Variants in SORBS2 observed in about 807,000 individuals in gnomAD.
The protein encoded by SORBS2 is sorbin and SH3 domain containing 2.
Under a neutral mutation model 97.7 loss-of-function variants are expected in SORBS2, and 46 were observed. That is an observed-to-expected ratio of 0.47 (90% CI 0.37 to 0.60). The LOEUF (loss-of-function observed/expected upper bound fraction) is 0.60. SORBS2 is among the 20% of genes least tolerant of loss of function. The pLI, the probability that SORBS2 is intolerant of heterozygous loss-of-function variation, is 0.00. For missense variants in SORBS2, 1,316 were observed against 1,282.3 expected, an observed-to-expected ratio of 1.03 and a Z score of -0.40; for synonymous variants, 476 against 473.4, an observed-to-expected ratio of 1.01 and a Z score of -0.07.
At chr4:185,827,761 A>G (rs553360011) in intron 1 of SORBS2, among the ~76,000 whole-genome samples, 1 of 146,326 alleles carries the variant, frequency 6.8e-6, no homozygotes, top group African/African-American at 2.6e-5. Context: ...CATCATCACC[A>G]TCATCATCAC....
intron 9 of SORBS2, among the ~76,000 whole-genome samples, chr4:185,615,587 G>A (rs149279749): frequency 6.6e-6 from 1 of 151,780 alleles, no homozygotes; most frequent in Non-Finnish European, 1.5e-5. Context: ...ATGTACTGAA[G>A]CTTACATGAA....
In SORBS2 at chr4:185,721,675, A is replaced by G. The variant is rs1475883081; in HGVS notation, c.-197-42853T>C. 3.9e-5 allele frequency among the ~76,000 whole-genome samples: 6 copies of G among 152,226 alleles called. No homozygotes were observed. In the South Asian group the frequency reaches 1.2e-3, roughly 32 times the overall value. On this transcript the variant is annotated intron_variant, in intron 2 of 20. Transcript: ENST00000284776. Reference sequence around the variant, plus strand: ...TTCAAAGTCAAATATTTTACTGTAAAGTGGAAGAAGAAAATACCCAGATCT... The same window carrying G: ...TTCAAAGTCAAATATTTTACTGTAAGGTGGAAGAAGAAAATACCCAGATCT...
intron 1 of SORBS2, among the ~76,000 whole-genome samples, chr4:185,875,304 T>C (rs1261897262): frequency 6.6e-6 from 1 of 152,248 alleles, no homozygotes; most frequent in Non-Finnish European, 1.5e-5. Flanking sequence ...TTCATTAGCT[T>C]GAGGTGGCCA....
intron 2 of SORBS2, among the ~76,000 whole-genome samples, chr4:185,712,327 A>G (rs2098426998): frequency 6.6e-6 from 1 of 152,200 alleles, no homozygotes; most frequent in South Asian, 2.1e-4. Flanking sequence ...AGACAGCTGG[A>G]TTCAAGGGGA....
chr4:185,901,980 G>A (rs923713693), intron 1 of SORBS2, among the ~76,000 whole-genome samples: 1 of 152,042 alleles, frequency 6.6e-6, no homozygotes, highest in Admixed American at 6.6e-5. Flanking sequence ...TGAAATAGCA[G>A]CCCCTTAGTA....
At chr4:185,877,808 T>C (rs2099234410) in intron 1 of SORBS2, among the ~76,000 whole-genome samples, 1 of 144,748 alleles carries the variant, frequency 6.9e-6, no homozygotes, top group South Asian at 2.1e-4. Context: ...AGGTGGAAAT[T>C]GCAGAGAGCC....
intron 1 of SORBS2, among the ~76,000 whole-genome samples, chr4:185,864,831 G>A (rs530268147): frequency 1.3e-5 from 2 of 151,806 alleles, no homozygotes; most frequent in Non-Finnish European, 1.5e-5. Context: ...AGAATTGCTT[G>A]AACCCAGGAG....
rs898795524 is a variant in SORBS2, at chr4:185,806,566, T to C, written c.-337-31200A>G. On this transcript the variant is annotated intron_variant, in intron 1 of 20. Coordinates refer to the SORBS2 transcript ENST00000284776. ...TCCTCCTCCCGGGTTCACGCCATTC[T>C]CCTGCCTCAGCCTCCCGAGTAGCTG... is the stretch of plus-strand genomic sequence containing the variant. 3.1e-3 allele frequency among the ~76,000 whole-genome samples: 450 copies of C among 146,194 alleles called. 5 individuals are homozygous for C. The highest frequency in any genetic ancestry group is 4.7e-3 in the Admixed American group (68 of 14,440).
At position 185,807,585 on chromosome 4, in the gene SORBS2, G is replaced by A. The variant is rs114315369; in HGVS notation, c.-337-32219C>T. Reference sequence around the variant, plus strand: ...AAAAACCCGTCTTTGCTGGTTCCCCGTCATTTATTCAGCAAATATCATCTT... The same window carrying A: ...AAAAACCCGTCTTTGCTGGTTCCCCATCATTTATTCAGCAAATATCATCTT... On this transcript the variant is annotated intron_variant, in intron 1 of 20. Coordinates refer to the SORBS2 transcript ENST00000284776. 3.6e-3 allele frequency among the ~76,000 whole-genome samples: 545 copies of A among 152,180 alleles called. 1 individual carries two copies. The highest frequency in any genetic ancestry group is 6.8e-3 in the Middle Eastern group (2 of 294).
In SORBS2 at chr4:185,613,096, G is replaced by T. The variant is rs796441549; in HGVS notation, c.2596-1116C>A. ...TTAACTCAAAACTACACGTAGCCTAGAAGTAGGCAGGCAAGTTGATGCTAC... is the reference window on the plus strand; with the variant it reads ...TTAACTCAAAACTACACGTAGCCTATAAGTAGGCAGGCAAGTTGATGCTAC... On this transcript the variant is annotated intron_variant, in intron 11 of 14. Coordinates refer to ENST00000418609, the Ensembl canonical transcript of SORBS2. Among the ~76,000 whole-genome samples, 7 of 152,334 alleles carry T rather than the reference G, an allele frequency of 4.6e-5. 1 individual carries two copies. The highest frequency in any genetic ancestry group is 1.7e-4 in the African/African-American group (7 of 41,586).
upstream of SORBS2, chr4:185,657,359 G>A (rs1386869296): frequency 3.5e-6 from 5 of 1,411,208 alleles, no homozygotes; most frequent in East Asian, 2.7e-5. Flanking sequence ...CAAAGCCGTG[G>A]ACAATCCGTC....
chr4:185,632,564 T>C (rs561778313), intron 4 of SORBS2, among the ~76,000 whole-genome samples: 50 of 152,338 alleles, frequency 3.3e-4, no homozygotes, highest in South Asian at 1.7e-3. Context: ...TTCTACTCGT[T>C]TGCAGAAGAG....
chr4:185,899,457 G>T (rs1274283401), intron 1 of SORBS2, among the ~76,000 whole-genome samples: 40 of 151,792 alleles, frequency 2.6e-4, no homozygotes, highest in Admixed American at 2.4e-3. Context: ...TAAGAGACAG[G>T]GTCTCACTCT....
intron 2 of SORBS2, among the ~76,000 whole-genome samples, chr4:185,695,269 A>G (rs576775258): frequency 6.6e-6 from 1 of 152,210 alleles, no homozygotes; most frequent in Admixed American, 6.5e-5. Flanking sequence ...TAAGAATTCT[A>G]TGTAGGTCAT....
intron 4 of SORBS2, among the ~76,000 whole-genome samples, chr4:185,642,942 C>T (rs1423044254): frequency 2.0e-5 from 3 of 152,248 alleles, no homozygotes; most frequent in Non-Finnish European, 2.9e-5. Context: ...GATTCAGTCC[C>T]TCACCAACTT....
intron 2 of SORBS2, among the ~76,000 whole-genome samples, chr4:185,729,384 G>T (rs1307901028): frequency 6.6e-6 from 1 of 152,162 alleles, no homozygotes; most frequent in Admixed American, 6.5e-5. Flanking sequence ...TATAGACAGG[G>T]TTTCCATCCG....
chr4:185,808,991 T>C (rs1376512349), intron 1 of SORBS2, among the ~76,000 whole-genome samples: 1 of 152,154 alleles, frequency 6.6e-6, no homozygotes, highest in Non-Finnish European at 1.5e-5. Flanking sequence ...CTCGGGAAAT[T>C]TGGATTTATT....
intron 1 of SORBS2, among the ~76,000 whole-genome samples, chr4:185,884,118 T>A (rs1438818191): frequency 1.3e-5 from 2 of 152,180 alleles, no homozygotes; most frequent in South Asian, 2.1e-4. Context: ...GTGGTGAAGT[T>A]TACATGACTG....
intron 1 of SORBS2, among the ~76,000 whole-genome samples, chr4:185,924,947 T>C (rs1448640516): frequency 2.0e-5 from 3 of 152,170 alleles, no homozygotes; most frequent in Non-Finnish European, 4.4e-5. Context: ...CCTCCAGTCA[T>C]CCGAGTCGTA....
Sources: allele counts gnomAD v4.1 joint callset (sites outside exome capture counted in the v4.1 genomes callset), GRCh38; gene constraint gnomAD v4.1.1; transcripts MANE v1.5; gene names NCBI Gene and HGNC (gene_info 2026-07-23, HGNC 2026-07-21).